Variants in CADPS observed in about 807,000 individuals in gnomAD.
The protein encoded by CADPS is calcium dependent secretion activator, also known as calcium-dependent secretion activator 1.
Under a neutral mutation model 167.3 loss-of-function variants are expected in CADPS, and 57 were observed. That is an observed-to-expected ratio of 0.34 (90% CI 0.28 to 0.42). The LOEUF (loss-of-function observed/expected upper bound fraction) is 0.42. CADPS is among the 20% of genes least tolerant of loss of function. The pLI is 1.00. For synonymous variants in CADPS, 676 were observed against 635.3 expected, an observed-to-expected ratio of 1.06 and a Z score of -0.96; for missense variants, 1,414 against 1,738.1, an observed-to-expected ratio of 0.81 and a Z score of 3.32.
intron 1 of CADPS, among the ~76,000 whole-genome samples, chr3:62,787,590 C>T (rs2092579794): frequency 1.3e-5 from 2 of 151,922 alleles, no homozygotes; most frequent in South Asian, 4.2e-4. Context: ...TAAATGAGTA[C>T]AAAGAAGAGG....
chr3:62,523,711 T>G (rs1019684707), intron 13 of CADPS, among the ~76,000 whole-genome samples: 6 of 152,198 alleles, frequency 3.9e-5, no homozygotes, highest in African/African-American at 9.6e-5. Context: ...GGAAACAGTG[T>G]CTGGTCCACT....
At position 62,433,652 on chromosome 3, in the gene CADPS, G is replaced by A. The variant is rs1241567144; in HGVS notation, c.3777+4452C>T. 5.3e-5 allele frequency among the ~76,000 whole-genome samples: 8 copies of A among 152,152 alleles called. No individual in the cohort carries two copies. The highest frequency in any genetic ancestry group is 1.7e-4 in the African/African-American group (7 of 41,436). Reference sequence around the variant, plus strand: ...ACCAATGTGGATTCCATCCAAGTTCGAGATGGCTTTTTAATCACTCATCTC... The same window carrying A: ...ACCAATGTGGATTCCATCCAAGTTCAAGATGGCTTTTTAATCACTCATCTC... On this transcript the variant is annotated intron_variant, in intron 28 of 29. Coordinates refer to ENST00000383710, the MANE Select transcript of CADPS (RefSeq NM_003716.4). This position sits in a 1 kb window ranked among gnomAD's most constrained non-coding sequence, Gnocchi z 4.7.
chr3:62,645,984 GGGAC>G, intron 5 of CADPS, 141 bp from the exon 6 acceptor site: 1 of 876,162 alleles, frequency 1.1e-6, no homozygotes, highest in Non-Finnish European at 1.8e-6. Flanking sequence ...CAGTCATGCT[GGGAC>G]CAGTCTAGCA....
intron 9 of CADPS, among the ~76,000 whole-genome samples, chr3:62,562,895 C>T (rs1392393105): frequency 5.3e-5 from 8 of 152,196 alleles, no homozygotes; most frequent in African/African-American, 1.4e-4. Flanking sequence ...TAACTGAGGG[C>T]CTGTACTGGA....
At chr3:62,798,723 C>CT in intron 1 of CADPS, among the ~76,000 whole-genome samples, 1 of 152,210 alleles carries the variant, frequency 6.6e-6, no homozygotes, top group East Asian at 1.9e-4. Context: ...GTGTTAGGTA[C>CT]TTTTTCCTGC....
At chr3:62,584,123 G>A (rs1484864817) in intron 8 of CADPS, among the ~76,000 whole-genome samples, 3 of 151,512 alleles carry the variant, frequency 2.0e-5, no homozygotes, top group East Asian at 3.9e-4. Flanking sequence ...TCCAGCCTCA[G>A]CCTCCTGAAT....
intron 26 of CADPS, among the ~76,000 whole-genome samples, chr3:62,456,591 C>T (rs2058705811): frequency 6.6e-6 from 1 of 151,972 alleles, no homozygotes; most frequent in Non-Finnish European, 1.5e-5. Context: ...AATAATAACC[C>T]TCTCACAATG....
Position 62,491,499 on chromosome 3 carries a change from A to G in CADPS, c.2885-19T>C. 1 of 1,611,492 alleles carries G rather than the reference A, an allele frequency of 6.2e-7. No individual in the cohort carries two copies. ...AAATTATCTAGAACAGATAAGCAAA[A>G]GCTTGTTAAGAACCCACAGCTACTT... On this transcript the variant is annotated intron_variant, in intron 20 of 29. Transcript: ENST00000383710.
intron 28 of CADPS, chr3:62,403,933 G>C (rs1035777580): frequency 7.9e-5 from 12 of 152,156 alleles, no homozygotes. Context: ...TTTGCTTCTT[G>C]TCTGTGAAAA....
chr3:62,726,488 A>G (rs903567432), intron 3 of CADPS, among the ~76,000 whole-genome samples: 1 of 151,900 alleles, frequency 6.6e-6, no homozygotes, highest in African/African-American at 2.4e-5. Context: ...CACAAATATC[A>G]GGTGGATTGA....
intron 1 of CADPS, among the ~76,000 whole-genome samples, chr3:62,806,438 A>T (rs550975176): frequency 6.6e-6 from 1 of 151,810 alleles, no homozygotes; most frequent in African/African-American, 2.4e-5. Flanking sequence ...AGGCTGAGGC[A>T]GGAAGATTGC....
intron 1 of CADPS, among the ~76,000 whole-genome samples, chr3:62,861,201 CAT>C (rs1231864512): frequency 6.6e-6 from 1 of 152,164 alleles, no homozygotes; most frequent in Admixed American, 6.5e-5. Context: ...TAGGTTCAAC[CAT>C]ATGAGCTTTG....
At chr3:62,847,051 A>G (rs1434329748) in intron 1 of CADPS, among the ~76,000 whole-genome samples, 1 of 152,178 alleles carries the variant, frequency 6.6e-6, no homozygotes, top group Non-Finnish European at 1.5e-5. Flanking sequence ...CATTATCCTG[A>G]CTAATGCTCA....
At chr3:62,532,822 C>T (rs1319963767) in intron 13 of CADPS, 49 bp downstream of exon 13, 1 of 1,559,464 alleles carries the variant, frequency 6.4e-7, no homozygotes, top group Non-Finnish European at 8.8e-7. Context: ...AAACCATTGC[C>T]AGTGCCATTT....
chr3:62,701,798 T>TTGC (rs2081448634), intron 3 of CADPS, among the ~76,000 whole-genome samples: 1 of 152,020 alleles, frequency 6.6e-6, no homozygotes, highest in South Asian at 2.1e-4. Flanking sequence ...AGAGCATGGT[T>TTGC]TGCTCATTTA....
intron 6 of CADPS, among the ~76,000 whole-genome samples, chr3:62,618,949 T>C (rs1005419711): frequency 1.3e-5 from 2 of 152,222 alleles, no homozygotes; most frequent in Non-Finnish European, 2.9e-5. Context: ...AATCTTATCT[T>C]AATTAGGTAT....
intron 12 of CADPS, among the ~76,000 whole-genome samples, chr3:62,534,325 C>T (rs1027966081): frequency 6.6e-6 from 1 of 152,114 alleles, no homozygotes; most frequent in African/African-American, 2.4e-5. Flanking sequence ...AGAAGTACAG[C>T]GAGAGAGGCC....
intron 1 of CADPS, chr3:62,814,367 A>G (rs2094518102): frequency 6.6e-6 from 1 of 152,194 alleles, no homozygotes; most frequent in Non-Finnish European, 1.5e-5. Context: ...TCATTTAAAA[A>G]CATAATCAGT....
chr3:62,616,336 A>G (rs1054528001), intron 6 of CADPS, among the ~76,000 whole-genome samples: 2 of 151,984 alleles, frequency 1.3e-5, no homozygotes, highest in African/African-American at 4.8e-5. Context: ...AGGCACGTAT[A>G]TTGGTTATGT....
Sources: allele counts gnomAD v4.1 joint callset (sites outside exome capture counted in the v4.1 genomes callset), GRCh38; gene constraint gnomAD v4.1.1; non-coding constraint Gnocchi (gnomAD v3.1); transcripts MANE v1.5; gene names NCBI Gene and HGNC (gene_info 2026-07-23, HGNC 2026-07-21).